The following TMEM132C variants were observed in gnomAD, a reference collection of about 807,000 sequenced individuals.
TMEM132C encodes the protein protein phosphatase 1, regulatory subunit 152.
TMEM132C carries 29 observed loss-of-function variants against 61.4 expected under a neutral mutation model. That is an observed-to-expected ratio of 0.47 (90% CI 0.35 to 0.64). The LOEUF is 0.64. TMEM132C is among the 30% of genes least tolerant of loss of function. TMEM132C has a pLI of 0.00. For missense variants in TMEM132C, 1,408 were observed against 1,476.9 expected (o/e 0.95, Z 0.76); for synonymous variants, 656 against 633.1 (o/e 1.04, Z -0.54).
intron 5 of TMEM132C, among the ~76,000 whole-genome samples, chr12:128,684,856 T>C (rs1339124679): frequency 6.6e-6 from 1 of 152,196 alleles, no homozygotes; most frequent in East Asian, 1.9e-4. Flanking sequence ...AGAACTGCTG[T>C]AGTAATGAGA....
chr12:128,479,108 G>A (rs935871775), intron 2 of TMEM132C, among the ~76,000 whole-genome samples: 2 of 152,148 alleles, frequency 1.3e-5, no homozygotes, highest in African/African-American at 4.8e-5. Flanking sequence ...GCAAACTAGT[G>A]CAGGAACAGA....
At chr12:128,554,354 C>A (rs919713702) in intron 3 of TMEM132C, among the ~76,000 whole-genome samples, 3 of 152,312 alleles carry the variant, frequency 2.0e-5, no homozygotes, top group Non-Finnish European at 4.4e-5. Context: ...GAGGACACAT[C>A]CATTCTTTAG....
intron 1 of TMEM132C, among the ~76,000 whole-genome samples, chr12:128,327,452 G>A (rs766678207): frequency 3.4e-5 from 5 of 149,094 alleles, no homozygotes; most frequent in African/African-American, 5.2e-5. Context: ...GCGCGATCCC[G>A]GCTCACTGCA....
At chr12:128,586,019 C>A (rs1348636720) in intron 3 of TMEM132C, among the ~76,000 whole-genome samples, 1 of 152,060 alleles carries the variant, frequency 6.6e-6, no homozygotes, top group African/African-American at 2.4e-5. Flanking sequence ...AGGACTGTAC[C>A]CCTAAAAACG....
At chr12:128,641,993 GA>G (rs1325162542) in intron 4 of TMEM132C, among the ~76,000 whole-genome samples, 9 of 141,580 alleles carry the variant, frequency 6.4e-5, no homozygotes, top group African/African-American at 2.4e-4. Context: ...ATTTTTAGTA[GA>G]GATGGGGTTT....
At chr12:128,378,064 C>G (rs961360121) in intron 1 of TMEM132C, among the ~76,000 whole-genome samples, 1 of 152,046 alleles carries the variant, frequency 6.6e-6, no homozygotes, top group African/African-American at 2.4e-5. Context: ...AGGGTTGTTA[C>G]TGTGCCCGTT....
At chr12:128,653,778 G>C (rs1188486351) in intron 4 of TMEM132C, among the ~76,000 whole-genome samples, 1 of 152,230 alleles carries the variant, frequency 6.6e-6, no homozygotes, top group Non-Finnish European at 1.5e-5. Context: ...TGAGGTGCGA[G>C]GTGGCCCATG....
intron 2 of TMEM132C, among the ~76,000 whole-genome samples, chr12:128,506,792 A>C (rs1013234595): frequency 4.6e-5 from 7 of 152,156 alleles, no homozygotes; most frequent in Non-Finnish European, 1.0e-4. Flanking sequence ...CAGAATGTTC[A>C]TCTCCATTGG....
At chr12:128,505,247 G>A (rs989127603) in intron 2 of TMEM132C, among the ~76,000 whole-genome samples, 3 of 152,134 alleles carry the variant, frequency 2.0e-5, no homozygotes, top group African/African-American at 7.2e-5. Flanking sequence ...AGGTGCCGGT[G>A]GCCAATCAAC....
chr12:128,522,196 C>T (rs904939952), intron 2 of TMEM132C, among the ~76,000 whole-genome samples: 1 of 152,190 alleles, frequency 6.6e-6, no homozygotes, highest in Non-Finnish European at 1.5e-5. Context: ...ACCCTTGTAA[C>T]ATCTTGTCAT....
intron 4 of TMEM132C, among the ~76,000 whole-genome samples, chr12:128,664,666 C>G (rs1323449270): frequency 2.6e-5 from 4 of 152,134 alleles, no homozygotes; most frequent in Non-Finnish European, 5.9e-5. Context: ...ATGCTAAACT[C>G]ATCAGAGCCG....
chr12:128,383,841 G>A (rs771310194), intron 1 of TMEM132C, among the ~76,000 whole-genome samples: 2 of 152,120 alleles, frequency 1.3e-5, no homozygotes, highest in Admixed American at 6.5e-5. Flanking sequence ...AGGAATCCTC[G>A]TAGTGTAGCC....
chr12:128,378,760 G>A (rs549772331), intron 1 of TMEM132C, among the ~76,000 whole-genome samples: 10 of 152,124 alleles, frequency 6.6e-5, no homozygotes, highest in Admixed American at 2.0e-4. Flanking sequence ...ACGGTTTGTC[G>A]GTGTCCCCAC....
chr12:128,435,741 A>G (rs1207461321), intron 2 of TMEM132C, among the ~76,000 whole-genome samples: 2 of 152,240 alleles, frequency 1.3e-5, no homozygotes, highest in East Asian at 3.8e-4. Context: ...TTATAGATTC[A>G]GTGCCATCCC....
intron 3 of TMEM132C, among the ~76,000 whole-genome samples, chr12:128,613,279 A>G (rs1414531399): frequency 3.3e-5 from 5 of 152,162 alleles, no homozygotes; most frequent in African/African-American, 9.7e-5. Context: ...CGTGCTTGCT[A>G]AGAAGATGAG....
chr12:128,284,358 C>T (rs901327808), intron 1 of TMEM132C, among the ~76,000 whole-genome samples: 1 of 152,202 alleles, frequency 6.6e-6, no homozygotes, highest in Non-Finnish European at 1.5e-5. Context: ...ATGGTAACCT[C>T]AGGAGATAAG....
At chr12:128,677,818 G>A (rs1215619288) in intron 5 of TMEM132C, among the ~76,000 whole-genome samples, 5 of 152,168 alleles carry the variant, frequency 3.3e-5, no homozygotes, top group South Asian at 2.1e-4. Flanking sequence ...TCCAGGGCAC[G>A]ATACTAGCTA....
intron 1 of TMEM132C, among the ~76,000 whole-genome samples, chr12:128,333,156 G>C (rs761863630): frequency 6.6e-6 from 1 of 151,472 alleles, no homozygotes; most frequent in Non-Finnish European, 1.5e-5. Flanking sequence ...GCATGTATGT[G>C]TGTTGTGTGT....
At chr12:128,538,586 A>G (rs1011501042) in intron 2 of TMEM132C, among the ~76,000 whole-genome samples, 10 of 152,334 alleles carry the variant, frequency 6.6e-5, no homozygotes, top group African/African-American at 2.4e-4. Flanking sequence ...CTATTGAACT[A>G]TTTAAAAATA....
Sources: allele counts gnomAD v4.1 joint callset (sites outside exome capture counted in the v4.1 genomes callset), GRCh38; gene constraint gnomAD v4.1.1; transcripts MANE v1.5; gene names NCBI Gene and HGNC (gene_info 2026-07-23, HGNC 2026-07-21).